Variants in SHISA6 observed in about 807,000 individuals in gnomAD.
SHISA6 encodes protein shisa-6.
Under a neutral mutation model 47.9 loss-of-function variants are expected in SHISA6, and 22 were observed. The ratio of observed to expected loss-of-function variants is 0.46; its 90% confidence interval spans 0.33 to 0.66. The LOEUF is 0.66. Among genes scored for constraint, SHISA6 ranks in the 30% least tolerant of loss-of-function variants. The probability of loss-of-function intolerance (pLI) is 0.02; values close to 1 mark genes in which losing one functional copy is unlikely to be tolerated. For missense variants in SHISA6, 680 were observed against 764.6 expected (o/e 0.89, Z 1.30); for synonymous variants, 388 against 337.8 (o/e 1.15, Z -1.63).
Position 11,299,263 on chromosome 17 carries a change from AATTACTGGG to A in SHISA6, c.799+35738_799+35746del, listed in dbSNP as rs1909845681. On this transcript the variant is annotated intron_variant, in intron 2 of 5. Transcript: ENST00000441885. ...ATAATCATAGCTAATATTTATTGAG[AATTACTGGG>A]TGCCAGATGCTATTCTAAGTGATTT... 3.3e-5 allele frequency among the ~76,000 whole-genome samples: 5 copies of A among 152,326 alleles called. No individual in the cohort carries two copies. In the South Asian group the frequency reaches 1.0e-3, roughly 32 times the overall value.
chr17:11,280,239 TGA>T (rs1005322158), intron 2 of SHISA6, among the ~76,000 whole-genome samples: 1 of 152,202 alleles, frequency 6.6e-6, no homozygotes, highest in Non-Finnish European at 1.5e-5. Context: ...CCAGGTAGAT[TGA>T]GAGTCATTAA....
At chr17:11,544,822 G>A (rs963503400) in intron 3 of SHISA6, among the ~76,000 whole-genome samples, 8 of 151,960 alleles carry the variant, frequency 5.3e-5, no homozygotes, top group Admixed American at 2.0e-4. Context: ...TTAGCCAAGT[G>A]TGGTGGCAGA....
At chr17:11,360,887 C>G (rs1205175239) in intron 2 of SHISA6, among the ~76,000 whole-genome samples, 2 of 151,726 alleles carry the variant, frequency 1.3e-5, no homozygotes, top group African/African-American at 2.4e-5. Context: ...TGGCAGGCAC[C>G]CTAACATGTC....
chr17:11,497,986 C>T (rs1567621910), intron 3 of SHISA6, among the ~76,000 whole-genome samples: 1 of 152,174 alleles, frequency 6.6e-6, no homozygotes, highest in South Asian at 2.1e-4. Flanking sequence ...TATTCATCCC[C>T]CAGCTCCCAG....
intron 3 of SHISA6, among the ~76,000 whole-genome samples, chr17:11,472,940 G>T (rs1298511826): frequency 6.6e-6 from 1 of 152,070 alleles, no homozygotes; most frequent in Admixed American, 6.5e-5. Flanking sequence ...GTGGTTATTT[G>T]CCAGCTATAT....
intron 2 of SHISA6, among the ~76,000 whole-genome samples, chr17:11,351,597 A>G (rs1280069345): frequency 6.6e-6 from 1 of 152,224 alleles, no homozygotes; most frequent in Non-Finnish European, 1.5e-5. Context: ...TACAGCAGTG[A>G]TCACATTTCA....
rs538976184 is a variant in SHISA6, at chr17:11,353,350, G to A, written c.800-26064G>A. Among the ~76,000 whole-genome samples, 91 of 151,734 alleles carry A rather than the reference G, an allele frequency of 6.0e-4. 1 individual carries two copies. The highest frequency in any genetic ancestry group is 1.2e-3 in the Non-Finnish European group (81 of 67,952). Reference sequence around the variant, plus strand: ...TGCGCACATGTAGTCCCAGCTACTCGGGAGGCTGAGGCAAAAGAATCGCGT... The same window carrying A: ...TGCGCACATGTAGTCCCAGCTACTCAGGAGGCTGAGGCAAAAGAATCGCGT... On this transcript the variant is annotated intron_variant, in intron 2 of 5. Coordinates refer to ENST00000441885, the MANE Select transcript of SHISA6 (RefSeq NM_207386.4).
intron 3 of SHISA6, among the ~76,000 whole-genome samples, chr17:11,454,946 G>C (rs1915496454): frequency 6.6e-6 from 1 of 152,060 alleles, no homozygotes; most frequent in African/African-American, 2.4e-5. Flanking sequence ...AAGGTGGGTG[G>C]ATCACGAGGT....
intron 2 of SHISA6, among the ~76,000 whole-genome samples, chr17:11,339,165 TAA>T (rs74468692): frequency 3.7e-5 from 5 of 136,958 alleles, no homozygotes; most frequent in African/African-American, 2.7e-5. Flanking sequence ...AAAGTATGAT[TAA>T]AAAAAAAAAA....
At chr17:11,242,800 T>TA (rs751685386) in intron 1 of SHISA6, among the ~76,000 whole-genome samples, 1 of 152,152 alleles carries the variant, frequency 6.6e-6, no homozygotes, top group Admixed American at 6.5e-5. Context: ...TACCAAAACT[T>TA]ACGCCAAGAG....
chr17:11,373,074 A>G (rs894561711), intron 2 of SHISA6, among the ~76,000 whole-genome samples: 2 of 151,758 alleles, frequency 1.3e-5, no homozygotes, highest in African/African-American at 2.4e-5. Flanking sequence ...TAGTTTGCCA[A>G]TCTTTTCTTA....
At chr17:11,503,116 A>G (rs1306095302) in intron 3 of SHISA6, among the ~76,000 whole-genome samples, 1 of 152,210 alleles carries the variant, frequency 6.6e-6, no homozygotes, top group East Asian at 1.9e-4. Context: ...GAGGTCATCT[A>G]GAGGTCATCT....
chr17:11,241,323 C>G lies in SHISA6; in HGVS notation c.-100C>G. On this transcript the variant is annotated 5_prime_UTR_variant, in exon 1 of 6. Coordinates refer to ENST00000441885, the MANE Select transcript of SHISA6 (RefSeq NM_207386.4). The surrounding 1 kb of genome is among the most constrained non-coding windows in gnomAD (Gnocchi z 5.5). ...CGCCCCGGAGCCGCTGACCGCTCAG[C>G]GCCTCCAGCCCGGCCCGCGCGGCGG... 1.3e-6 allele frequency: 1 copy of G among 744,372 alleles called. No individual in the cohort carries two copies. Among genetic ancestry groups the G allele is most frequent in the Non-Finnish European group, 1.6e-6 (1 of 609,524 alleles). 46.1% of individuals were successfully genotyped at this position (744,372 alleles called of 1,614,324 possible).
chr17:11,308,764 C>CGGT (rs946226432), intron 2 of SHISA6, among the ~76,000 whole-genome samples: 6 of 152,130 alleles, frequency 3.9e-5, no homozygotes, highest in Non-Finnish European at 4.4e-5. Context: ...TCTCCATGCT[C>CGGT]GGTGGCTGCG....
intron 3 of SHISA6, among the ~76,000 whole-genome samples, chr17:11,496,167 C>A: frequency 6.6e-6 from 1 of 152,164 alleles, no homozygotes; most frequent in East Asian, 1.9e-4. Flanking sequence ...GGGGCCTCCC[C>A]ATTAGTCAAA....
At chr17:11,394,067 GTA>G (rs1913482999) in intron 3 of SHISA6, among the ~76,000 whole-genome samples, 1 of 152,030 alleles carries the variant, frequency 6.6e-6, no homozygotes. Context: ...TTTTTAACTT[GTA>G]TGCTGTCTTG....
At chr17:11,468,871 A>G (rs934984879) in intron 3 of SHISA6, among the ~76,000 whole-genome samples, 1 of 151,780 alleles carries the variant, frequency 6.6e-6, no homozygotes, top group East Asian at 1.9e-4. Context: ...AAATACAAAA[A>G]TTAGCCAGAC....
intron 2 of SHISA6, among the ~76,000 whole-genome samples, chr17:11,294,045 C>T (rs999279673): frequency 2.0e-5 from 3 of 151,976 alleles, no homozygotes; most frequent in African/African-American, 7.3e-5. Context: ...ACCACCATGC[C>T]CGGCTAATTT....
chr17:11,461,172 C>A (rs1036749788), intron 3 of SHISA6, among the ~76,000 whole-genome samples: 2 of 152,044 alleles, frequency 1.3e-5, no homozygotes, highest in African/African-American at 4.8e-5. Flanking sequence ...CGGAGGCAGG[C>A]GGATCACGAG....
Sources: allele counts gnomAD v4.1 joint callset (sites outside exome capture counted in the v4.1 genomes callset), GRCh38; gene constraint gnomAD v4.1.1; non-coding constraint Gnocchi (gnomAD v3.1); transcripts MANE v1.5; gene names NCBI Gene and HGNC (gene_info 2026-07-23, HGNC 2026-07-21).